The following ROM1 variants were observed in gnomAD, a reference collection of about 807,000 sequenced individuals.
ROM1 encodes retinal outer segment membrane protein 1, also known as rod outer segment membrane protein 1.
A neutral mutation model predicts 23.0 loss-of-function variants in ROM1; 17 were observed. That is an observed-to-expected ratio of 0.74 (90% CI 0.51 to 1.11). The LOEUF is 1.11. ROM1 is among the 50% of genes least tolerant of loss of function. The pLI is 0.00. For missense variants in ROM1, 436 were observed against 439.7 expected, an observed-to-expected ratio of 0.99 and a Z score of 0.08; for synonymous variants, 200 against 206.5, an observed-to-expected ratio of 0.97 and a Z score of 0.27.
rs1366097402 is a variant in ROM1, at chr11:62,613,347, G to T, written c.66G>T (p.Trp22Cys). 2 of 1,613,508 alleles carry T rather than the reference G, an allele frequency of 1.2e-6. No individual in the cohort carries two copies. The highest frequency in any genetic ancestry group is 1.1e-5 in the South Asian group (1 of 90,966). ...QPRIRLAQGLWLLSWLLALAG... is the reference protein window; with the variant it reads ...QPRIRLAQGLCLLSWLLALAG... The stretch of plus-strand genomic sequence containing the variant: ...GCATCCGCCTGGCACAAGGGCTCTG[G>T]CTCCTCTCCTGGCTGCTGGCGCTGG... Residue 22 changes from tryptophan (W) to cysteine (C), a missense_variant, in exon 1 of 3, where the codon TGG becomes TGT. Transcript: ENST00000278833.
At position 62,614,479 on chromosome 11, in the gene ROM1, T is replaced by A. The variant is rs137950927; in HGVS notation, c.812T>A (p.Met271Lys). The change falls in exon 2 of 3, where the codon ATG becomes AAG. Residue 271 changes from methionine to lysine, a missense_variant. Transcript: ENST00000278833. ...LQDLAGTLGS[M>K]LAVTFLLQAL... ...GACTTGGCAGGCACACTGGGTAGCA[T>A]GCTGGCTGTCACCTTCCTACTGCAG... 38 of 1,614,044 alleles carry A rather than the reference T, an allele frequency of 2.4e-5. No homozygotes were observed. The highest frequency in any genetic ancestry group is 6.7e-5 in the Admixed American group (4 of 60,002).
chr11:62,613,487 C>A lies in ROM1; in HGVS notation c.206C>A (p.Ala69Glu). 1 of 1,613,472 alleles carries A rather than the reference C, an allele frequency of 6.2e-7. No individual in the cohort carries two copies. The highest frequency in any genetic ancestry group is 8.5e-7 in the Non-Finnish European group (1 of 1,179,734). The change falls in exon 1 of 3, where the codon GCG becomes GAG. Residue 69 changes from alanine to glutamate, a missense_variant. Transcript: ENST00000278833. ...GTCCTGCCCCAGGCTGCCCTGGCAG[C>A]GGGCGCGGTGGCTCTGGGCACAGGA... Reference protein sequence around the residue: ...FPVLPQAALAAGAVALGTGLV... With the variant: ...FPVLPQAALAEGAVALGTGLV...
chr11:62,614,589 T>C, intron 2 of ROM1, 32 bp from the exon 3 acceptor site: 2 of 1,614,162 alleles, frequency 1.2e-6, no homozygotes, highest in South Asian at 2.2e-5. Flanking sequence ...CCGCTGACTC[T>C]CCCTGACTCT....
At chr11:62,614,585 ACT>A in intron 2 of ROM1, 34 bp from the exon 3 acceptor site, 1 of 1,613,328 alleles carries the variant, frequency 6.2e-7, no homozygotes, top group Non-Finnish European at 8.5e-7. Context: ...GGAACCGCTG[ACT>A]CTCCCTGACT....
chr11:62,614,247 T>TC lies in ROM1; in HGVS notation c.591-8dup. 1 of 1,613,824 alleles carries TC rather than the reference T, an allele frequency of 6.2e-7. No homozygotes were observed. Among genetic ancestry groups the TC allele is most frequent in the Non-Finnish European group, 8.5e-7 (1 of 1,179,908 alleles). ...CCAGACATCCTAACCCCTCTGTCCC[T>TC]CCCTTTGCAGCCGGATCCAGAGCAA... On this transcript the variant is annotated splice_polypyrimidine_tract_variant and intron_variant, in intron 1 of 2. Transcript: ENST00000278833.
rs1296065194 is a variant in ROM1 at position 62,614,680 on chromosome 11, C to T, written c.897C>T (p.Val299=). ...LQTALEGLGG[V]IDAGGETQGY... is the part of the protein sequence containing the mutation. ...CAGCACTGGAGGGGCTTGGAGGGGT[C>T]ATTGATGCGGGAGGAGAGACCCAGG... Residue 299 remains valine (V), a synonymous_variant, in exon 3 of 3, where the codon GTC becomes GTT. Coordinates refer to ENST00000278833, the MANE Select transcript of ROM1 (RefSeq NM_000327.4). 6.2e-7 allele frequency: 1 copy of T among 1,614,204 alleles called. No individual in the cohort carries two copies. Among genetic ancestry groups the T allele is most frequent in the Non-Finnish European group, 8.5e-7 (1 of 1,180,026 alleles).
rs772352310 is a variant in ROM1 at position 62,614,432 on chromosome 11, G to C, written c.765G>C (p.Glu255Asp). ...NQNLWAQGCH[E>D]VLLEHLQDLA... ...ACCTCTGGGCCCAAGGGTGCCATGA[G>C]GTGCTGCTGGAGCACTTGCAGGACT... The change falls in exon 2 of 3, where the codon GAG (glutamate) becomes GAC (aspartate). Residue 255 changes from glutamate (E) to aspartate (D), a missense_variant. Glu to Asp is a conservative substitution (Grantham distance 45). Transcript: ENST00000278833. The C allele has an allele frequency of 1.4e-5, 22 of 1,614,144 alleles. No homozygotes were observed. The highest frequency in any genetic ancestry group is 2.2e-5 in the East Asian group (1 of 44,884).
rs369016047 is a variant in ROM1, at chr11:62,614,682, T to C, written c.899T>C (p.Ile300Thr). 41 of 1,614,082 alleles carry C rather than the reference T, an allele frequency of 2.5e-5. No individual in the cohort carries two copies. The highest frequency in any genetic ancestry group is 1.0e-4 in the Admixed American group (6 of 60,004). ...QTALEGLGGVIDAGGETQGYL... is the reference protein window; with the variant it reads ...QTALEGLGGVTDAGGETQGYL... The stretch of plus-strand genomic sequence containing the variant: ...GCACTGGAGGGGCTTGGAGGGGTCA[T>C]TGATGCGGGAGGAGAGACCCAGGGC... The change falls in exon 3 of 3, where the codon ATT (isoleucine) becomes ACT (threonine). Residue 300 changes from isoleucine (I) to threonine (T), a missense_variant. Transcript: ENST00000278833.
chr11:62,615,114 G>T lies in ROM1; in HGVS notation c.*275G>T. The T allele has an allele frequency of 2.0e-6, 1 of 488,214 alleles. No individual in the cohort carries two copies. The highest frequency in any genetic ancestry group is 3.7e-6 in the Non-Finnish European group (1 of 270,336). 30.2% of individuals were successfully genotyped at this position (488,214 alleles called of 1,614,324 possible). A position where few individuals can be genotyped will look rare whatever the true frequency, so the allele number is the denominator to read the frequency against. On this transcript the variant is annotated 3_prime_UTR_variant, in exon 3 of 3. Transcript: ENST00000278833. ...ATAGACTCAATAAAGTTTTTGGATG[G>T]AAGCAATTGCTTTTTCTTGTCAAGG...
In ROM1 at chr11:62,613,492, G is replaced by A. The variant is rs748080594; in HGVS notation, c.211G>A (p.Ala71Thr). 44 of 1,613,652 alleles carry A rather than the reference G, an allele frequency of 2.7e-5. No homozygotes were observed. Among genetic ancestry groups the A allele is most frequent in the African/African-American group, 5.3e-5 (4 of 74,944 alleles). The change falls in exon 1 of 3, where the codon GCG (alanine) becomes ACG (threonine). Residue 71 changes from alanine to threonine, a missense_variant. Coordinates refer to ENST00000278833, the MANE Select transcript of ROM1 (RefSeq NM_000327.4). ...GCCCCAGGCTGCCCTGGCAGCGGGC[G>A]CGGTGGCTCTGGGCACAGGACTAGT... ...VLPQAALAAG[A>T]VALGTGLVGV...
At position 62,613,705 on chromosome 11, in the gene ROM1, G is replaced by A. The variant is rs1215310984; in HGVS notation, c.424G>A (p.Ala142Thr). 1 of 1,614,190 alleles carries A rather than the reference G, an allele frequency of 6.2e-7. No individual in the cohort carries two copies. Among genetic ancestry groups the A allele is most frequent in the Non-Finnish European group, 8.5e-7 (1 of 1,180,018 alleles). The change falls in exon 1 of 3, where the codon GCT becomes ACT. Residue 142 changes from alanine (A) to threonine (T), a missense_variant. Ala to Thr is a moderately conservative substitution (Grantham distance 58). Coordinates refer to ENST00000278833, the MANE Select transcript of ROM1 (RefSeq NM_000327.4). Reference protein sequence around the residue: ...ALEEGLVTALAHYKDTEVPGH... With the variant: ...ALEEGLVTALTHYKDTEVPGH... ...GGAGGAGGGCCTGGTGACTGCCTTG[G>A]CTCACTACAAGGACACAGAGGTGCC...
In ROM1 at chr11:62,614,241, T is replaced by TG. The variant is rs1942972351; in HGVS notation, c.591-16dup. 6.2e-7 allele frequency: 1 copy of TG among 1,613,882 alleles called. No homozygotes were observed. Among genetic ancestry groups the TG allele is most frequent in the African/African-American group, 1.3e-5 (1 of 74,866 alleles). The stretch of plus-strand genomic sequence containing the variant: ...CTATCTCCAGACATCCTAACCCCTC[T>TG]GTCCCTCCCTTTGCAGCCGGATCCA... On this transcript the variant is annotated splice_polypyrimidine_tract_variant and intron_variant, in intron 1 of 2. Coordinates refer to ENST00000278833, the MANE Select transcript of ROM1 (RefSeq NM_000327.4).
At position 62,614,720 on chromosome 11, in the gene ROM1, A is replaced by C; in HGVS notation, c.937A>C (p.Ser313Arg). Residue 313 changes from serine to arginine, a missense_variant, in exon 3 of 3, where the codon AGT (serine) becomes CGT (arginine). By Grantham distance (110) the Ser-to-Arg change is moderately radical. Transcript: ENST00000278833. Reference protein sequence around the residue: ...GGETQGYLFPSGLKDMLKTAW... With the variant: ...GGETQGYLFPRGLKDMLKTAW... ...AGAGACCCAGGGCTATCTCTTTCCC[A>C]GTGGGCTGAAAGATATGCTGAAAAC... is the stretch of plus-strand genomic sequence containing the variant. 1 of 1,614,184 alleles carries C rather than the reference A, an allele frequency of 6.2e-7. No homozygotes were observed. The highest frequency in any genetic ancestry group is 8.5e-7 in the Non-Finnish European group (1 of 1,180,022).
At position 62,614,384 on chromosome 11, in the gene ROM1, C is replaced by T. The variant is rs762983591; in HGVS notation, c.717C>T (p.Phe239=). The change falls in exon 2 of 3, where the codon TTC becomes TTT. Residue 239 remains phenylalanine (F), a synonymous_variant. Coordinates refer to ENST00000278833, the MANE Select transcript of ROM1 (RefSeq NM_000327.4). ...CAGACTCCTACGCCCACCCCCTGTT[C>T]GATCCCCGACAACCCAACCAAAACC... ...RLSDSYAHPL[F]DPRQPNQNLW... 8 of 1,614,038 alleles carry T rather than the reference C, an allele frequency of 5.0e-6. No homozygotes were observed. The highest frequency in any genetic ancestry group is 1.6e-4 in the Middle Eastern group (1 of 6,084).
At position 62,614,724 on chromosome 11, in the gene ROM1, G is replaced by A. The variant is rs368502798; in HGVS notation, c.941G>A (p.Gly314Glu). The A allele has an allele frequency of 8.9e-5, 143 of 1,614,126 alleles. No homozygotes were observed. The Middle Eastern group carries it at 1.2e-3, about 13-fold the overall frequency. ...ACCCAGGGCTATCTCTTTCCCAGTG[G>A]GCTGAAAGATATGCTGAAAACAGCA... is the stretch of plus-strand genomic sequence containing the variant. ...GETQGYLFPS[G>E]LKDMLKTAWL... is the part of the protein sequence containing the mutation. Residue 314 changes from glycine to glutamate, a missense_variant, in exon 3 of 3, where the codon GGG (glycine) becomes GAG (glutamate). Gly to Glu is a moderately conservative substitution (Grantham distance 98). Transcript: ENST00000278833.
intron 2 of ROM1, 43 bp downstream of exon 2, chr11:62,614,547 CCT>C: frequency 1.2e-6 from 2 of 1,614,160 alleles, no homozygotes; most frequent in Non-Finnish European, 1.7e-6. Flanking sequence ...ACCCGGGACT[CCT>C]CCCTGCCTCC....
At position 62,614,321 on chromosome 11, in the gene ROM1, C is replaced by A. The variant is rs1229057628; in HGVS notation, c.654C>A (p.Asn218Lys). 1.2e-6 allele frequency: 2 copies of A among 1,614,032 alleles called. No individual in the cohort carries two copies. Among genetic ancestry groups the A allele is most frequent in the African/African-American group, 2.7e-5 (2 of 75,014 alleles). ...ATGGGGTCCCTTTCTCCTGTTGCAACCCCCACTCACCCCGGCCTTGCCTGC... is the reference window on the plus strand; with the variant it reads ...ATGGGGTCCCTTTCTCCTGTTGCAAACCCCACTCACCCCGGCCTTGCCTGC... Reference protein sequence around the residue: ...LTDGVPFSCCNPHSPRPCLQN... With the variant: ...LTDGVPFSCCKPHSPRPCLQN... Residue 218 changes from asparagine (N) to lysine (K), a missense_variant, in exon 2 of 3, where the codon AAC becomes AAA. By Grantham distance (94) the Asn-to-Lys change is moderately conservative. Transcript: ENST00000278833.
In ROM1 at chr11:62,614,969, G is replaced by C; in HGVS notation, c.*130G>C. ...CTAAGGATAGTCAGCGAGCTGGACT[G>C]GGGTAAGAAAGAAAACCAGATGTCC... On this transcript the variant is annotated 3_prime_UTR_variant, in exon 3 of 3. Coordinates refer to ENST00000278833, the MANE Select transcript of ROM1 (RefSeq NM_000327.4). 1 of 759,984 alleles carries C rather than the reference G, an allele frequency of 1.3e-6. No individual in the cohort carries two copies. Among genetic ancestry groups the C allele is most frequent in the African/African-American group, 1.7e-5 (1 of 57,244 alleles). 47.1% of individuals were successfully genotyped at this position (759,984 alleles called of 1,614,324 possible).
Position 62,614,713 on chromosome 11 carries a change from C to G in ROM1, c.930C>G (p.Leu310=). 6.2e-7 allele frequency: 1 copy of G among 1,614,224 alleles called. No homozygotes were observed. Among genetic ancestry groups the G allele is most frequent in the Non-Finnish European group, 8.5e-7 (1 of 1,180,026 alleles). The part of the protein sequence containing the change: ...IDAGGETQGY[L]FPSGLKDMLK... ...CGGGAGGAGAGACCCAGGGCTATCT[C>G]TTTCCCAGTGGGCTGAAAGATATGC... The change falls in exon 3 of 3, where the codon CTC becomes CTG. Residue 310 remains leucine, a synonymous_variant. Coordinates refer to ENST00000278833, the MANE Select transcript of ROM1 (RefSeq NM_000327.4).
Sources: allele counts gnomAD v4.1 joint callset, GRCh38; gene constraint gnomAD v4.1.1; transcripts MANE v1.5; gene names NCBI Gene and HGNC (gene_info 2026-07-23, HGNC 2026-07-21).